ZNF597: variants seen among roughly 807,000 people sequenced by gnomAD.
ZNF597 encodes zinc finger protein 597.
ZNF597 carries 5 observed loss-of-function variants against 7.3 expected under a neutral mutation model. The ratio of observed to expected loss-of-function variants is 0.68; its 90% CI spans 0.36 to 1.44. The LOEUF is 1.44. ZNF597 is among the 40% of genes most tolerant of loss of function. The pLI, the probability that ZNF597 is intolerant of heterozygous loss-of-function variation, is 0.04. For missense variants in ZNF597, 585 were observed against 517.9 expected, an observed-to-expected ratio of 1.13 and a Z score of -1.26; for synonymous variants, 209 against 185.4, an observed-to-expected ratio of 1.13 and a Z score of -1.04.
chr16:3,439,169 C>T (rs1261227360), intron 3 of ZNF597, among the ~76,000 whole-genome samples: 7 of 151,212 alleles, frequency 4.6e-5, no homozygotes, highest in Non-Finnish European at 7.4e-5. Context: ...GCTTGAGCCA[C>T]GGAGCTCGAG....
rs755911928 is a variant in ZNF597, at chr16:3,437,263, C to G, written c.436G>C (p.Asp146His). ...LGTNTLSEIL[D>H]SPWEGAKNVY... Reference sequence around the variant, plus strand: ...TTTTTGGCTCCTTCCCAGGGAGAATCAAGAATTTCAGAAAGTGTGTTGGTT... The same window carrying G: ...TTTTTGGCTCCTTCCCAGGGAGAATGAAGAATTTCAGAAAGTGTGTTGGTT... Residue 146 changes from aspartate (D) to histidine (H), a missense_variant, in exon 4 of 4, where the codon GAT becomes CAT. By Grantham distance (81) the Asp-to-His change is moderately conservative. Coordinates refer to ENST00000301744, the MANE Select transcript of ZNF597 (RefSeq NM_152457.3). 6.2e-7 allele frequency: 1 copy of G among 1,614,186 alleles called. No individual in the cohort carries two copies. The highest frequency in any genetic ancestry group is 1.1e-5 in the South Asian group (1 of 91,088).
intron 3 of ZNF597, among the ~76,000 whole-genome samples, chr16:3,439,089 T>C (rs1408877554): frequency 6.6e-6 from 1 of 152,054 alleles, no homozygotes; most frequent in South Asian, 2.1e-4. Context: ...CCCTTAAGAC[T>C]TTCCTGAGGC....
At chr16:3,438,620 G>C (rs989393741) in intron 3 of ZNF597, among the ~76,000 whole-genome samples, 1 of 151,874 alleles carries the variant, frequency 6.6e-6, no homozygotes, top group African/African-American at 2.4e-5. Flanking sequence ...AATCAAGTGA[G>C]CATTTTTCTT....
intron 3 of ZNF597, among the ~76,000 whole-genome samples, chr16:3,439,940 T>C (rs528316226): frequency 2.0e-5 from 3 of 152,084 alleles, no homozygotes; most frequent in Non-Finnish European, 4.4e-5. Context: ...GAAGACAACA[T>C]GAACATGATG....
chr16:3,441,021 C>A, intron 2 of ZNF597, 88 bp from the exon 3 acceptor site: 1 of 1,529,594 alleles, frequency 6.5e-7, no homozygotes. Context: ...CTAGAAACAT[C>A]AGATGCACGG....
In ZNF597 at chr16:3,443,473, T is replaced by A. The variant is rs921119216; in HGVS notation, c.-167A>T. The A allele has an allele frequency of 1.1e-5, 6 of 521,904 alleles. No homozygotes were observed. In the East Asian group the frequency reaches 1.3e-4, roughly 12 times the overall value. The allele number at this position is 521,904 out of a possible 1,614,324, so 32.3% of individuals were successfully genotyped here. On this transcript the variant is annotated 5_prime_UTR_variant, in exon 1 of 4. The change abolishes an upstream ATG in the 5' untranslated region. Transcript: ENST00000301744. Reference sequence around the variant, plus strand: ...CCACTGCAAAACTCCCACGCTCTCATGCTCCTTTACGCAGGAGCTGCGGGA... The same window carrying A: ...CCACTGCAAAACTCCCACGCTCTCAAGCTCCTTTACGCAGGAGCTGCGGGA...
chr16:3,436,633 G>A lies in ZNF597; in HGVS notation c.1066C>T (p.Leu356Phe), dbSNP rs2034303336. 6.2e-7 allele frequency: 1 copy of A among 1,607,008 alleles called. No homozygotes were observed. The highest frequency in any genetic ancestry group is 8.5e-7 in the Non-Finnish European group (1 of 1,176,100). ...GTATGAATGTTCTGATGGGAAATAAGCTCAGAGAAACAAGGAAAGGTCATG... is the reference window on the plus strand; with the variant it reads ...GTATGAATGTTCTGATGGGAAATAAACTCAGAGAAACAAGGAAAGGTCATG... Reference protein sequence around the residue: ...CDMTFPCFSELISHQNIHTEE... With the variant: ...CDMTFPCFSEFISHQNIHTEE... Residue 356 changes from leucine (L) to phenylalanine (F), a missense_variant, in exon 4 of 4, where the codon CTT (leucine) becomes TTT (phenylalanine). Coordinates refer to ENST00000301744, the MANE Select transcript of ZNF597 (RefSeq NM_152457.3).
At chr16:3,442,202 G>A (rs775810607) in intron 2 of ZNF597, among the ~76,000 whole-genome samples, 2 of 152,162 alleles carry the variant, frequency 1.3e-5, no homozygotes, top group African/African-American at 2.4e-5. Context: ...TACTCAACGA[G>A]TGTGGAGTCT....
At position 3,435,789 on chromosome 16, in the gene ZNF597, A is replaced by C. The variant is rs1236461035; in HGVS notation, c.*635T>G. 1 of 152,206 alleles carries C rather than the reference A, an allele frequency of 6.6e-6. No homozygotes were observed. Among genetic ancestry groups the C allele is most frequent in the Non-Finnish European group, 1.5e-5 (1 of 68,044 alleles). 9.4% of individuals were successfully genotyped at this position (152,206 alleles called of 1,614,324 possible). ...AGTTAGACTTCCAAAACTCCTTGCA[A>C]ACAATTGGGTCCTAAATGCCAGTAT... On this transcript the variant is annotated 3_prime_UTR_variant, in exon 4 of 4. Coordinates refer to ENST00000301744, the MANE Select transcript of ZNF597 (RefSeq NM_152457.3).
chr16:3,440,955 C>T, intron 2 of ZNF597, 22 bp from the exon 3 acceptor site: 1 of 1,610,430 alleles, frequency 6.2e-7, no homozygotes, highest in Non-Finnish European at 8.5e-7. Flanking sequence ...GAGCCTGTGT[C>T]AGCACAAGAG....
At position 3,437,398 on chromosome 16, in the gene ZNF597, G is replaced by T. The variant is rs150217083; in HGVS notation, c.301C>A (p.Pro101Thr). 171 of 1,614,006 alleles carry T rather than the reference G, an allele frequency of 1.1e-4. No individual in the cohort carries two copies. In the African/African-American group the frequency reaches 1.7e-3, roughly 16 times the overall value. ...GTTCCACTTAATATTTTCGCTTCAG[G>T]GTTTCCAACTCCATCCTCAGAGGAT... is the stretch of plus-strand genomic sequence containing the variant. ...EKSSEDGVGN[P>T]EAKILSGTPT... is the part of the protein sequence containing the mutation. The change falls in exon 4 of 4, where the codon CCT becomes ACT. Residue 101 changes from proline (P) to threonine (T), a missense_variant. By Grantham distance (38) the Pro-to-Thr change is conservative. Coordinates refer to ENST00000301744, the MANE Select transcript of ZNF597 (RefSeq NM_152457.3).
intron 2 of ZNF597, among the ~76,000 whole-genome samples, chr16:3,441,750 C>G (rs748971724): frequency 4.0e-5 from 6 of 151,722 alleles, no homozygotes; most frequent in Non-Finnish European, 5.9e-5. Context: ...CAGAGCGACA[C>G]TCCATCTCAA....
At chr16:3,441,740 C>G (rs1056046304) in intron 2 of ZNF597, among the ~76,000 whole-genome samples, 8 of 151,926 alleles carry the variant, frequency 5.3e-5, no homozygotes, top group African/African-American at 1.9e-4. Context: ...GCCTGGGCAA[C>G]AGAGCGACAC....
At chr16:3,442,468 G>A (rs2034397021) in intron 2 of ZNF597, among the ~76,000 whole-genome samples, 1 of 152,112 alleles carries the variant, frequency 6.6e-6, no homozygotes, top group Non-Finnish European at 1.5e-5. Flanking sequence ...AAGGTCAGGA[G>A]ATTGAGACCA....
chr16:3,442,605 G>T (rs527664368), intron 2 of ZNF597, among the ~76,000 whole-genome samples: 4 of 151,998 alleles, frequency 2.6e-5, no homozygotes. Flanking sequence ...AACCCGGGAG[G>T]CGGAGCTTGC....
Position 3,443,225 on chromosome 16 carries a change from G to A in ZNF597, c.-53-19C>T. 6.7e-7 allele frequency: 1 copy of A among 1,491,806 alleles called. No individual in the cohort carries two copies. The highest frequency in any genetic ancestry group is 1.2e-5 in the South Asian group (1 of 81,146). The allele number at this position is 1,491,806 out of a possible 1,614,324, so 92.4% of individuals were successfully genotyped here. On this transcript the variant is annotated intron_variant, in intron 1 of 3. Transcript: ENST00000301744. ...GACAAAGCTGCGGGGGGAGAGAACA[G>A]TTCTTAAAGGGACCAATTCCGCTGC...
At position 3,437,176 on chromosome 16, in the gene ZNF597, G is replaced by C. The variant is rs1442552105; in HGVS notation, c.523C>G (p.Gln175Glu). 6.2e-7 allele frequency: 1 copy of C among 1,614,040 alleles called. No homozygotes were observed. Among genetic ancestry groups the C allele is most frequent in the African/African-American group, 1.3e-5 (1 of 74,908 alleles). The change falls in exon 4 of 4, where the codon CAG becomes GAG. Residue 175 changes from glutamine to glutamate, a missense_variant. Coordinates refer to ENST00000301744, the MANE Select transcript of ZNF597 (RefSeq NM_152457.3). ...TTTTTCTCTCCTGAATGAATTTTCT[G>C]ATGCAAAACTAGGTATGAATGATCG... is the stretch of plus-strand genomic sequence containing the variant. ...FSDHSYLVLH[Q>E]KIHSGEKKHK...
At chr16:3,440,126 GAGTC>G (rs759330443) in intron 3 of ZNF597, among the ~76,000 whole-genome samples, 40 of 152,162 alleles carry the variant, frequency 2.6e-4, no homozygotes, top group Non-Finnish European at 5.3e-4. Context: ...TCAGGCACAG[GAGTC>G]CATCTGTGTA....
At chr16:3,438,183 C>G (rs1265943628) in intron 3 of ZNF597, among the ~76,000 whole-genome samples, 1 of 148,726 alleles carries the variant, frequency 6.7e-6, no homozygotes, top group Non-Finnish European at 1.5e-5. Flanking sequence ...CCATTGCACT[C>G]CAGCCTAGGT....
Sources: allele counts gnomAD v4.1 joint callset (sites outside exome capture counted in the v4.1 genomes callset), GRCh38; gene constraint gnomAD v4.1.1; transcripts MANE v1.5; gene names NCBI Gene and HGNC (gene_info 2026-07-23, HGNC 2026-07-21).